FHIT: variants seen among roughly 807,000 people sequenced by gnomAD.
FHIT encodes fragile histidine triad diadenosine triphosphatase.
A neutral mutation model predicts 17.9 loss-of-function variants in FHIT; 19 were observed. The observed-to-expected ratio is 1.06, with a 90% CI of 0.74 to 1.56. FHIT has a LOEUF of 1.56. Among genes scored for constraint, FHIT ranks in the 40% most tolerant of loss-of-function variants. The pLI is 0.00. For missense variants in FHIT, 248 were observed against 189.2 expected (o/e 1.31, Z -1.82); for synonymous variants, 81 against 69.7 (o/e 1.16, Z -0.81).
intron 4 of FHIT, among the ~76,000 whole-genome samples, chr3:60,639,182 AAGC>A (rs1312526700): frequency 2.6e-5 from 4 of 151,536 alleles, no homozygotes; most frequent in Non-Finnish European, 5.9e-5. Context: ...ACCAAGTAGA[AAGC>A]AGCAGCTAGA....
chr3:60,349,442 C>G (rs551368956), intron 5 of FHIT, among the ~76,000 whole-genome samples: 1 of 152,258 alleles, frequency 6.6e-6, no homozygotes, highest in African/African-American at 2.4e-5. Flanking sequence ...ATTTGGATTT[C>G]CAGATGTTTT....
intron 5 of FHIT, among the ~76,000 whole-genome samples, chr3:60,437,631 G>T (rs1273854294): frequency 6.6e-6 from 1 of 151,994 alleles, no homozygotes; most frequent in African/African-American, 2.4e-5. Context: ...TATAGATTAG[G>T]TAAACGATAC....
Position 60,759,948 on chromosome 3 carries a change from T to C in FHIT, c.-18+61971A>G, listed in dbSNP as rs568503482. ...CTTCCTTCCTTCCTGCTTTCCTTTT[T>C]TCCTTCCTTCCTGCTTGCCTTTCTC... On this transcript the variant is annotated intron_variant, in intron 4 of 9. Transcript: ENST00000492590. Among the ~76,000 whole-genome samples, 458 of 152,192 alleles carry C rather than the reference T, an allele frequency of 3.0e-3. 4 individuals are homozygous for C. Among genetic ancestry groups the C allele is most frequent in the African/African-American group, 0.011 (446 of 41,536 alleles).
At chr3:59,800,834 G>A (rs908618362) in intron 8 of FHIT, among the ~76,000 whole-genome samples, 1 of 152,166 alleles carries the variant, frequency 6.6e-6, no homozygotes, top group Admixed American at 6.5e-5. Context: ...GAGTGCAGGA[G>A]GGGGAGAGAA....
chr3:60,890,909 A>T (rs1177574470), intron 3 of FHIT, among the ~76,000 whole-genome samples: 1 of 152,200 alleles, frequency 6.6e-6, no homozygotes, highest in Non-Finnish European at 1.5e-5. Context: ...TTAAATGATG[A>T]CATCCCCAGT....
chr3:60,107,251 A>G (rs897988499), intron 5 of FHIT, among the ~76,000 whole-genome samples: 9 of 149,532 alleles, frequency 6.0e-5, no homozygotes, highest in Non-Finnish European at 7.4e-5. Context: ...ACTTTGCAGT[A>G]AACTATCCTG....
chr3:60,288,071 T>A (rs908323549), intron 5 of FHIT, among the ~76,000 whole-genome samples: 5 of 152,166 alleles, frequency 3.3e-5, no homozygotes, highest in African/African-American at 1.2e-4. Context: ...TTGGGAATAA[T>A]CTGCAGACTT....
At chr3:61,100,493 C>T (rs546661121) in intron 2 of FHIT, among the ~76,000 whole-genome samples, 9 of 152,284 alleles carry the variant, frequency 5.9e-5, no homozygotes, top group African/African-American at 1.9e-4. Context: ...GAAGTCTTTG[C>T]TATTGTGAAT....
At chr3:60,656,082 A>C (rs1365337066) in intron 4 of FHIT, among the ~76,000 whole-genome samples, 1 of 152,120 alleles carries the variant, frequency 6.6e-6, no homozygotes, top group Admixed American at 6.5e-5. Flanking sequence ...ATCTAAAATA[A>C]ATTGCTTTTC....
chr3:60,469,042 A>G (rs2032946465), intron 5 of FHIT, among the ~76,000 whole-genome samples: 2 of 151,976 alleles, frequency 1.3e-5, no homozygotes, highest in Admixed American at 1.3e-4. Flanking sequence ...GCTGCCATAC[A>G]TTTTGGAGAT....
chr3:61,204,705 G>C (rs1560070277), intron 1 of FHIT, among the ~76,000 whole-genome samples: 1 of 152,118 alleles, frequency 6.6e-6, no homozygotes, highest in Non-Finnish European at 1.5e-5. Context: ...GAAAAGAAAA[G>C]TGTGGATAAG....
At chr3:60,240,508 G>A (rs548394737) in intron 5 of FHIT, among the ~76,000 whole-genome samples, 1 of 152,260 alleles carries the variant, frequency 6.6e-6, no homozygotes, top group Admixed American at 6.5e-5. Flanking sequence ...GTGTTCTGTT[G>A]TTTGAGCTCA....
chr3:60,878,399 T>C (rs1704772531), intron 3 of FHIT, among the ~76,000 whole-genome samples: 2 of 151,902 alleles, frequency 1.3e-5, no homozygotes, highest in Non-Finnish European at 1.5e-5. Context: ...TGTTTAATTA[T>C]CCCCATTGTG....
chr3:60,415,842 T>G (rs1248094562), intron 5 of FHIT, among the ~76,000 whole-genome samples: 1 of 148,300 alleles, frequency 6.7e-6, no homozygotes, highest in Non-Finnish European at 1.5e-5. Flanking sequence ...ATAATTACTT[T>G]GGGATTTTTA....
intron 7 of FHIT, among the ~76,000 whole-genome samples, chr3:59,990,886 G>A (rs1377169268): frequency 4.6e-5 from 7 of 152,014 alleles, no homozygotes; most frequent in Admixed American, 2.6e-4. Flanking sequence ...AAGAACAAAA[G>A]ATTCCAGGAA....
At chr3:59,837,961 T>C (rs183754745) in intron 8 of FHIT, among the ~76,000 whole-genome samples, 4 of 152,142 alleles carry the variant, frequency 2.6e-5, no homozygotes, top group Admixed American at 6.5e-5. Context: ...CCTGTAAGCC[T>C]GGGGCAAATG....
At chr3:60,968,774 GA>G (rs886456226) in intron 3 of FHIT, among the ~76,000 whole-genome samples, 2 of 152,054 alleles carry the variant, frequency 1.3e-5, no homozygotes, top group African/African-American at 4.8e-5. Context: ...ATTTTGCTGA[GA>G]TTTTACCATG....
At chr3:60,186,302 T>C (rs1702155279) in intron 5 of FHIT, among the ~76,000 whole-genome samples, 2 of 152,204 alleles carry the variant, frequency 1.3e-5, no homozygotes, top group African/African-American at 2.4e-5. Context: ...TTTTGTGACA[T>C]ATGCAAGGTC....
At chr3:60,420,293 A>G (rs1198364027) in intron 5 of FHIT, among the ~76,000 whole-genome samples, 1 of 152,140 alleles carries the variant, frequency 6.6e-6, no homozygotes, top group Admixed American at 6.5e-5. Context: ...TAATGACCTA[A>G]TAATCATCCA....
Sources: gnomAD v4.1 joint callset for allele counts (sites outside exome capture counted in the v4.1 genomes callset) on GRCh38, gnomAD v4.1.1 for gene constraint, MANE v1.5 for transcripts, NCBI Gene and HGNC (gene_info 2026-07-23, HGNC 2026-07-21) for gene names.